The following TMEM233 variants were observed in gnomAD, a reference collection of about 807,000 sequenced individuals.
The protein encoded by TMEM233 is transmembrane protein 233.
In TMEM233, 6 loss-of-function variants were observed where a neutral mutation model predicts 11.2. That is an observed-to-expected ratio of 0.54 (90% CI 0.29 to 1.06). TMEM233 has a LOEUF of 1.06. Ranked by LOEUF, TMEM233 falls within the 50% of genes least tolerant of loss-of-function variation. The pLI, the probability that TMEM233 is intolerant of heterozygous loss-of-function variation, is 0.08. For missense variants in TMEM233, 127 were observed against 144.7 expected (o/e 0.88, Z 0.63); for synonymous variants, 59 against 55.8 (o/e 1.06, Z -0.26).
the TMEM233 span, among the ~76,000 whole-genome samples, chr12:119,649,854 T>TAA: frequency 0.049 from 4,501 of 91,284 alleles, 257 homozygotes; most frequent in African/African-American, 0.12. Context: ...GTTTAACTAT[T>TAA]AAAAAAAAAA....
chr12:119,653,530 T>C, the TMEM233 span, among the ~76,000 whole-genome samples: 2 of 150,948 alleles, frequency 1.3e-5, no homozygotes, highest in South Asian at 4.2e-4. Context: ...TATTTTACAA[T>C]AACTCCAATA....
intron 1 of TMEM233, among the ~76,000 whole-genome samples, chr12:119,606,225 C>T (rs1004406032): frequency 2.0e-5 from 3 of 151,776 alleles, no homozygotes; most frequent in South Asian, 2.1e-4. Context: ...GTTTCTTGCA[C>T]GTGGAAAAAA....
chr12:119,640,861 A>G lies in TMEM233; in HGVS notation c.*156A>G, dbSNP rs112499561. 432 of 546,748 alleles carry G rather than the reference A, an allele frequency of 7.9e-4. No individual in the cohort carries two copies. Among genetic ancestry groups the G allele is most frequent in the South Asian group, 1.7e-3 (48 of 28,684 alleles). 33.9% of individuals were successfully genotyped at this position (546,748 alleles called of 1,614,324 possible). A position where few individuals can be genotyped will look rare whatever the true frequency, so the allele number is the denominator to read the frequency against. ...GGTCCCTGGCAAATGAACAAGAAAAAAAAAAAAAAAAAGTCCAAAATTTAG... is the reference window on the plus strand; with the variant it reads ...GGTCCCTGGCAAATGAACAAGAAAAGAAAAAAAAAAAAGTCCAAAATTTAG... On this transcript the variant is annotated 3_prime_UTR_variant, in exon 3 of 3. Transcript: ENST00000426426.
Position 119,593,857 on chromosome 12 carries a change from G to A in TMEM233, c.9G>A (p.Gln3=). The change falls in exon 1 of 3, where the codon CAG becomes CAA. Residue 3 remains glutamine (Q), a synonymous_variant. Transcript: ENST00000426426. The surrounding 1 kb of genome is among the most constrained non-coding windows in gnomAD (Gnocchi z 4.1). MS[Q]YAPSPDFKRA... ...CGCCGCCGGCCTCGCCCATGTCTCA[G>A]TACGCCCCTAGCCCGGACTTCAAGA... is the stretch of plus-strand genomic sequence containing the variant. 4 of 1,551,548 alleles carry A rather than the reference G, an allele frequency of 2.6e-6. No homozygotes were observed. Among genetic ancestry groups the A allele is most frequent in the South Asian group, 1.2e-5 (1 of 84,050 alleles).
At chr12:119,625,984 A>C (rs1220921973) in intron 1 of TMEM233, among the ~76,000 whole-genome samples, 4 of 151,740 alleles carry the variant, frequency 2.6e-5, no homozygotes, top group Admixed American at 6.5e-5. Flanking sequence ...CATACATTGC[A>C]TATAATTGTT....
intron 1 of TMEM233, among the ~76,000 whole-genome samples, chr12:119,609,040 G>A (rs998905425): frequency 1.3e-5 from 2 of 152,166 alleles, no homozygotes; most frequent in Admixed American, 6.5e-5. Flanking sequence ...GAACAGTTTG[G>A]AGGTCTCAGA....
intron 1 of TMEM233, among the ~76,000 whole-genome samples, chr12:119,609,710 G>C (rs1452559045): frequency 6.6e-6 from 1 of 152,252 alleles, no homozygotes; most frequent in Non-Finnish European, 1.5e-5. Context: ...ACATCGTGCT[G>C]GGTCTGAGGG....
At chr12:119,648,864 T>C in the TMEM233 span, among the ~76,000 whole-genome samples, 1 of 152,348 alleles carries the variant, frequency 6.6e-6, no homozygotes, top group Middle Eastern at 3.4e-3. Context: ...AGATTTAAAC[T>C]TGAATTTTAA....
At chr12:119,599,778 C>T (rs1954121562) in intron 1 of TMEM233, among the ~76,000 whole-genome samples, 1 of 152,182 alleles carries the variant, frequency 6.6e-6, no homozygotes, top group Admixed American at 6.5e-5. Context: ...CCACCCCACA[C>T]AGCCAGGCCC....
At chr12:119,602,518 C>A (rs1267618080) in intron 1 of TMEM233, among the ~76,000 whole-genome samples, 2 of 152,184 alleles carry the variant, frequency 1.3e-5, no homozygotes, top group African/African-American at 2.4e-5. Context: ...ATGATGAAGA[C>A]CCTGTCTGAA....
chr12:119,620,132 C>A lies in TMEM233; in HGVS notation c.187-9604C>A, dbSNP rs1349523976. Among the ~76,000 whole-genome samples the A allele has an allele frequency of 2.0e-5, 3 of 152,262 alleles. No homozygotes were observed. In the East Asian group the frequency reaches 5.8e-4, roughly 29 times the overall value. On this transcript the variant is annotated intron_variant, in intron 1 of 2. Coordinates refer to ENST00000426426, the MANE Select transcript of TMEM233 (RefSeq NM_001136534.3). ...TTTAGATAAGCTGGAGGTGAAAAGT[C>A]CTCTGTGAGAAGATAACACTGGAGC...
chr12:119,601,473 G>T (rs188124037), intron 1 of TMEM233, among the ~76,000 whole-genome samples: 291 of 152,014 alleles, frequency 1.9e-3, no homozygotes, highest in African/African-American at 6.5e-3. Flanking sequence ...TGGCTAACAC[G>T]GTGAAACCCT....
At chr12:119,602,519 C>T (rs1954188379) in intron 1 of TMEM233, among the ~76,000 whole-genome samples, 1 of 152,128 alleles carries the variant, frequency 6.6e-6, no homozygotes, top group Non-Finnish European at 1.5e-5. Flanking sequence ...TGATGAAGAC[C>T]CTGTCTGAAG....
At chr12:119,628,359 C>T (rs1954804961) in intron 1 of TMEM233, among the ~76,000 whole-genome samples, 1 of 151,892 alleles carries the variant, frequency 6.6e-6, no homozygotes. Context: ...CAGAGTTTTA[C>T]CATGTTGGCC....
chr12:119,614,782 C>T (rs551750460), intron 1 of TMEM233, among the ~76,000 whole-genome samples: 1 of 152,106 alleles, frequency 6.6e-6, no homozygotes, highest in Non-Finnish European at 1.5e-5. Context: ...TTACTTCTAT[C>T]CCCATGGGGG....
chr12:119,636,904 A>G (rs1000178563), intron 2 of TMEM233, among the ~76,000 whole-genome samples: 2 of 152,158 alleles, frequency 1.3e-5, no homozygotes, highest in Non-Finnish European at 2.9e-5. Context: ...AGACTCACAC[A>G]TGGTATCTTG....
chr12:119,630,171 GTAGCACAAAAGTAGTGTGT>G (rs1954850159), intron 2 of TMEM233, among the ~76,000 whole-genome samples: 1 of 152,206 alleles, frequency 6.6e-6, no homozygotes, highest in Non-Finnish European at 1.5e-5. Flanking sequence ...CTCAGTCTTT[GTAGCACAAAAGTAGTGTGT>G]TAGTCCATTC....
At chr12:119,646,658 C>T (rs1375374846), downstream of TMEM233, among the ~76,000 whole-genome samples, 1 of 152,188 alleles carries the variant, frequency 6.6e-6, no homozygotes, top group African/African-American at 2.4e-5. Context: ...TTATTATCTA[C>T]CTCCTCCCCT....
At chr12:119,636,253 C>T (rs941947775) in intron 2 of TMEM233, among the ~76,000 whole-genome samples, 3 of 152,062 alleles carry the variant, frequency 2.0e-5, no homozygotes, top group African/African-American at 7.2e-5. Flanking sequence ...AACTGGGGAG[C>T]TCTGTGTCAG....
Sources: allele counts gnomAD v4.1 joint callset (sites outside exome capture counted in the v4.1 genomes callset), GRCh38; gene constraint gnomAD v4.1.1; non-coding constraint Gnocchi (gnomAD v3.1); transcripts MANE v1.5; gene names NCBI Gene and HGNC (gene_info 2026-07-23, HGNC 2026-07-21).